The following ZNF517 variants were observed in gnomAD, a reference collection of about 807,000 sequenced individuals.
The protein encoded by ZNF517 is zinc finger protein 517.
A neutral mutation model predicts 12.1 loss-of-function variants in ZNF517; 12 were observed. The ratio of observed to expected loss-of-function variants is 0.99; its 90% CI spans 0.63 to 1.61. ZNF517 has a LOEUF of 1.61. ZNF517 is among the 40% of genes most tolerant of loss of function. The pLI, the probability that ZNF517 is intolerant of heterozygous loss-of-function variation, is 0.00. For missense variants in ZNF517, 781 were observed against 693.2 expected, an observed-to-expected ratio of 1.13 and a Z score of -1.42; for synonymous variants, 388 against 310.2, an observed-to-expected ratio of 1.25 and a Z score of -2.63.
chr8:144,804,285 C>T, intron 4 of ZNF517, 47 bp downstream of exon 4: 3 of 1,508,424 alleles, frequency 2.0e-6, no homozygotes, highest in African/African-American at 2.7e-5. Flanking sequence ...GCCAATGTGG[C>T]CTGGCCTCCG....
intron 4 of ZNF517, among the ~76,000 whole-genome samples, chr8:144,804,862 T>C (rs1436976281): frequency 6.6e-6 from 1 of 152,242 alleles, no homozygotes; most frequent in Non-Finnish European, 1.5e-5. Context: ...TAATGACTTT[T>C]AGTACTTTCA....
intron 1 of ZNF517, among the ~76,000 whole-genome samples, chr8:144,801,200 C>T (rs756666051): frequency 2.6e-5 from 4 of 152,206 alleles, no homozygotes; most frequent in Admixed American, 6.5e-5. Flanking sequence ...GCTACTTAGA[C>T]GGCTCCAGCT....
In ZNF517 at chr8:144,803,645, C is replaced by G; in HGVS notation, c.38C>G (p.Ala13Gly). The G allele has an allele frequency of 6.2e-7, 1 of 1,613,964 alleles. No individual in the cohort carries two copies. Among genetic ancestry groups the G allele is most frequent in the Non-Finnish European group, 8.5e-7 (1 of 1,179,908 alleles). ...MALPMPGPQE[A>G]VVFEDVAVYF... ...TAGCAGAGTATGTGGTTGCAGGAGGCGGTTGTGTTCGAGGATGTGGCTGTG... is the reference window on the plus strand; with the variant it reads ...TAGCAGAGTATGTGGTTGCAGGAGGGGGTTGTGTTCGAGGATGTGGCTGTG... Residue 13 changes from alanine to glycine, a missense_variant, in exon 3 of 5, where the codon GCG (alanine) becomes GGG (glycine). Transcript: ENST00000359971.
At chr8:144,806,813 A>G (rs370770358) in intron 4 of ZNF517, among the ~76,000 whole-genome samples, 4 of 152,000 alleles carry the variant, frequency 2.6e-5, no homozygotes, top group East Asian at 1.9e-4. Flanking sequence ...ACCTCTGGCA[A>G]TAATTTCTCA....
intron 1 of ZNF517, among the ~76,000 whole-genome samples, chr8:144,799,263 C>T (rs1325407144): frequency 6.6e-6 from 1 of 152,160 alleles, no homozygotes. Flanking sequence ...CCAGGCTCTG[C>T]CCCTCGCTTC....
At chr8:144,800,004 C>CCA (rs774131773) in intron 1 of ZNF517, among the ~76,000 whole-genome samples, 26 of 152,122 alleles carry the variant, frequency 1.7e-4, no homozygotes, top group Non-Finnish European at 3.2e-4. Context: ...AGAGAAGCAG[C>CCA]CACAGATCCC....
intron 4 of ZNF517, among the ~76,000 whole-genome samples, chr8:144,805,820 C>A (rs931021947): frequency 3.0e-4 from 45 of 150,984 alleles, no homozygotes; most frequent in African/African-American, 9.2e-4. Context: ...CGAGGTTTCA[C>A]CATGTTAGCG....
chr8:144,799,862 C>T (rs891618853), intron 1 of ZNF517, among the ~76,000 whole-genome samples: 2 of 152,220 alleles, frequency 1.3e-5, no homozygotes, highest in Non-Finnish European at 2.9e-5. Context: ...ATGGCGTGAA[C>T]CCGGGAGGCG....
chr8:144,803,184 C>G (rs756322777), intron 2 of ZNF517: 1 of 569,286 alleles, frequency 1.8e-6, no homozygotes, highest in Non-Finnish European at 3.1e-6. Flanking sequence ...CCCTGAGCTT[C>G]TATGGTCAGC....
At chr8:144,810,512 T>C (rs1586769756), downstream of ZNF517, 2 of 356,814 alleles carry the variant, frequency 5.6e-6, no homozygotes, top group Non-Finnish European at 1.0e-5. Flanking sequence ...TGGGGGAGGC[T>C]GAAGGGTTGT....
intron 3 of ZNF517, 146 bp from the exon 4 acceptor site, chr8:144,803,979 C>A: frequency 9.4e-7 from 1 of 1,068,052 alleles, no homozygotes; most frequent in Non-Finnish European, 1.3e-6. Flanking sequence ...CCATCTCCCC[C>A]TGGCCACCTA....
rs192446672 is a variant in ZNF517 at position 144,805,841 on chromosome 8, C to T, written c.275-1350C>T. Among the ~76,000 whole-genome samples, 85 of 151,038 alleles carry T rather than the reference C, an allele frequency of 5.6e-4. No individual in the cohort carries two copies. In the Middle Eastern group the frequency reaches 0.01, roughly 18 times the overall value. On this transcript the variant is annotated intron_variant, in intron 4 of 4. Transcript: ENST00000359971. Reference sequence around the variant, plus strand: ...TTCACCATGTTAGCGAGGATGGTCTCGATCTCCTGACCTTGTGATCCGCCG... The same window carrying T: ...TTCACCATGTTAGCGAGGATGGTCTTGATCTCCTGACCTTGTGATCCGCCG...
At position 144,808,287 on chromosome 8, in the gene ZNF517, C is replaced by T. The variant is rs1269105949; in HGVS notation, c.1371C>T (p.Cys457=). 4 of 1,556,352 alleles carry T rather than the reference C, an allele frequency of 2.6e-6. No homozygotes were observed. Among genetic ancestry groups the T allele is most frequent in the African/African-American group, 2.7e-5 (2 of 73,364 alleles). ...SGERPYRCRA[C]GRACSRLSTL... is the part of the protein sequence containing the mutation. The stretch of plus-strand genomic sequence containing the variant: ...AGAGGCCATACCGGTGCCGCGCCTG[C>T]GGGAGGGCCTGCAGCCGGCTGTCCA... Residue 457 remains cysteine, a synonymous_variant, in exon 5 of 5, where the codon TGC becomes TGT. Transcript: ENST00000359971.
intron 4 of ZNF517, among the ~76,000 whole-genome samples, chr8:144,805,913 C>T (rs1299731934): frequency 6.6e-6 from 1 of 152,232 alleles, no homozygotes; most frequent in African/African-American, 2.4e-5. Context: ...GCCACCACGC[C>T]TGGCCAGAAC....
At chr8:144,805,374 A>G (rs1393921810) in intron 4 of ZNF517, among the ~76,000 whole-genome samples, 1 of 152,242 alleles carries the variant, frequency 6.6e-6, no homozygotes, top group Non-Finnish European at 1.5e-5. Flanking sequence ...TCTGTCGCCC[A>G]GGCTGGAGAG....
chr8:144,804,937 CAG>C (rs577435354), intron 4 of ZNF517, among the ~76,000 whole-genome samples: 50 of 152,366 alleles, frequency 3.3e-4, no homozygotes, highest in African/African-American at 1.2e-3. Context: ...GAAAGTGAAA[CAG>C]GAGCATGACC....
rs1330150257 is a variant in ZNF517 at position 144,808,086 on chromosome 8, C to T, written c.1170C>T (p.His390=). 69 of 1,611,504 alleles carry T rather than the reference C, an allele frequency of 4.3e-5. No homozygotes were observed. Among genetic ancestry groups the T allele is most frequent in the Non-Finnish European group, 5.9e-5 (69 of 1,179,248 alleles). ...TGCTGCTGCTGCACCTGCGCCTACACACGGGCGAGAAGCCGTTCGAGTGCG... is the reference window on the plus strand; with the variant it reads ...TGCTGCTGCTGCACCTGCGCCTACATACGGGCGAGAAGCCGTTCGAGTGCG... The part of the protein sequence containing the change: ...NSLLLLHLRL[H]TGEKPFECAE... Residue 390 remains histidine, a synonymous_variant, in exon 5 of 5, where the codon CAC becomes CAT. Coordinates refer to ENST00000359971, the MANE Select transcript of ZNF517 (RefSeq NM_213605.3).
Position 144,809,081 on chromosome 8 carries a change from G to A in ZNF517, c.*686G>A, listed in dbSNP as rs1212724747. ...GGATGGGTTGAGCCTGGGAAGTCAAGGCTGCAGTGAGCTATGATAGCACCA... is the reference window on the plus strand; with the variant it reads ...GGATGGGTTGAGCCTGGGAAGTCAAAGCTGCAGTGAGCTATGATAGCACCA... On this transcript the variant is annotated 3_prime_UTR_variant, in exon 5 of 5. Coordinates refer to ENST00000359971, the MANE Select transcript of ZNF517 (RefSeq NM_213605.3). The A allele has an allele frequency of 1.3e-5, 2 of 152,074 alleles. No homozygotes were observed. The highest frequency in any genetic ancestry group is 2.9e-5 in the Non-Finnish European group (2 of 68,128). 9.4% of individuals were successfully genotyped at this position (152,074 alleles called of 1,614,324 possible). A position where few individuals can be genotyped will look rare whatever the true frequency, so the allele number is the denominator to read the frequency against.
chr8:144,802,887 A>G lies in ZNF517; in HGVS notation c.-28A>G. ...TCCCTCAGAATTCACTGTCTGTAGC[A>G]TCTGCTCCTCCACAGAGGGACCCTG... is the stretch of plus-strand genomic sequence containing the variant. On this transcript the variant is annotated 5_prime_UTR_variant, in exon 2 of 5. Transcript: ENST00000359971. 2.5e-6 allele frequency: 4 copies of G among 1,613,844 alleles called. No homozygotes were observed. Among genetic ancestry groups the G allele is most frequent in the Non-Finnish European group, 3.4e-6 (4 of 1,179,938 alleles).
Sources: allele counts gnomAD v4.1 joint callset (sites outside exome capture counted in the v4.1 genomes callset), GRCh38; gene constraint gnomAD v4.1.1; transcripts MANE v1.5; gene names NCBI Gene and HGNC (gene_info 2026-07-23, HGNC 2026-07-21).